AXIN1: variants seen among roughly 807,000 people sequenced by gnomAD.
AXIN1 encodes axin-1.
A neutral mutation model predicts 76.4 loss-of-function variants in AXIN1; 30 were observed. The observed-to-expected ratio is 0.39, with a 90% CI of 0.29 to 0.53. The LOEUF is 0.53. Ranked by LOEUF, AXIN1 falls within the 20% of genes least tolerant of loss-of-function variation. The probability of loss-of-function intolerance (pLI) is 0.66; values close to 1 mark genes in which losing one functional copy is unlikely to be tolerated. For missense variants in AXIN1, 1,140 were observed against 1,198.8 expected (o/e 0.95, Z 0.72); for synonymous variants, 545 against 501.4 (o/e 1.09, Z -1.16).
At chr16:306,103 A>C (rs1284645833) in intron 4 of AXIN1, among the ~76,000 whole-genome samples, 1 of 152,040 alleles carries the variant, frequency 6.6e-6, no homozygotes, top group Non-Finnish European at 1.5e-5. Flanking sequence ...TCATCCCCTT[A>C]CCGGCAGGCA....
intron 2 of AXIN1, among the ~76,000 whole-genome samples, chr16:339,813 C>T (rs536383353): frequency 6.6e-6 from 1 of 152,332 alleles, no homozygotes; most frequent in African/African-American, 2.4e-5. Context: ...ACCTCTGCCC[C>T]CTCTGCACCA....
chr16:295,104 T>A (rs2052674893), intron 7 of AXIN1, among the ~76,000 whole-genome samples: 1 of 151,202 alleles, frequency 6.6e-6, no homozygotes, highest in Non-Finnish European at 1.5e-5. Flanking sequence ...GACTTTTTTT[T>A]TTTCTTTTTT....
intron 3 of AXIN1, among the ~76,000 whole-genome samples, chr16:314,223 G>A (rs1467242766): frequency 1.3e-5 from 2 of 152,206 alleles, no homozygotes; most frequent in African/African-American, 2.4e-5. Flanking sequence ...CCGACACAAA[G>A]CTGAGCCCTC....
Position 291,212 on chromosome 16 carries a change from C to T in AXIN1, c.2272G>A (p.Asp758Asn), listed in dbSNP as rs1420913425. The change falls in exon 9 of 11, where the codon GAC becomes AAC. Residue 758 changes from aspartate (D) to asparagine (N), a missense_variant. Asp to Asn is a conservative substitution (Grantham distance 23). Transcript: ENST00000262320. ...TACTCTGTCTCGGAGAGCTCCATGTCCGACACGGCTGGTACCACGTGCAGC... is the reference window on the plus strand; with the variant it reads ...TACTCTGTCTCGGAGAGCTCCATGTTCGACACGGCTGGTACCACGTGCAGC... ...PVLHVVPAVSDMELSETETRS... is the reference protein window; with the variant it reads ...PVLHVVPAVSNMELSETETRS... The T allele has an allele frequency of 6.3e-6, 10 of 1,588,436 alleles. No individual in the cohort carries two copies. The highest frequency in any genetic ancestry group is 7.7e-6 in the Non-Finnish European group (9 of 1,168,342).
chr16:341,318 T>C (rs971554422), intron 2 of AXIN1, among the ~76,000 whole-genome samples: 10 of 151,998 alleles, frequency 6.6e-5, no homozygotes, highest in Admixed American at 5.9e-4. Flanking sequence ...CCAGCTGGAG[T>C]CCCGGGTGGG....
chr16:313,849 C>A (rs992598873), intron 3 of AXIN1, among the ~76,000 whole-genome samples: 1 of 152,240 alleles, frequency 6.6e-6, no homozygotes, highest in African/African-American at 2.4e-5. Context: ...TGGGGTTTCC[C>A]TGGACAATGA....
At position 293,575 on chromosome 16, in the gene AXIN1, G is replaced by A. The variant is rs765360584; in HGVS notation, c.2099C>T (p.Ala700Val). Residue 700 changes from alanine (A) to valine (V), a missense_variant, in exon 8 of 11, where the codon GCT (alanine) becomes GTT (valine). Ala to Val is a moderately conservative substitution (Grantham distance 64). This residue lies in a region of AXIN1 where 429 missense variants were observed against 405.8 expected (regional missense o/e 1.06). Transcript: ENST00000262320. The surrounding 1 kb of genome is among the most constrained non-coding windows in gnomAD (Gnocchi z 4.6). Reference protein sequence around the residue: ...IQDPTMPPHPAPNPLTQLEEA... With the variant: ...IQDPTMPPHPVPNPLTQLEEA... Reference sequence around the variant, plus strand: ...CTCCAGCTGGGTTAGGGGGTTGGGAGCTGGGTGGGGTGGCATGGTGGGGTC... The same window carrying A: ...CTCCAGCTGGGTTAGGGGGTTGGGAACTGGGTGGGGTGGCATGGTGGGGTC... 1 of 1,612,524 alleles carries A rather than the reference G, an allele frequency of 6.2e-7. No homozygotes were observed. The highest frequency in any genetic ancestry group is 2.2e-5 in the East Asian group (1 of 44,872).
At chr16:323,456 A>C (rs1210304016) in intron 2 of AXIN1, among the ~76,000 whole-genome samples, 1 of 148,530 alleles carries the variant, frequency 6.7e-6, no homozygotes, top group Non-Finnish European at 1.5e-5. Flanking sequence ...AAAAAAAAGA[A>C]AGAAAAAAAG....
intron 8 of AXIN1, 131 bp from the exon 9 acceptor site, chr16:291,428 C>T: frequency 2.6e-6 from 2 of 783,490 alleles, no homozygotes; most frequent in South Asian, 2.9e-5. Flanking sequence ...TGCGCAGGCT[C>T]CAGTTTGCAG....
intron 4 of AXIN1, among the ~76,000 whole-genome samples, chr16:304,918 G>A (rs574685560): frequency 2.3e-4 from 35 of 152,224 alleles, no homozygotes; most frequent in African/African-American, 7.7e-4. Context: ...TTTCGTGTCC[G>A]GCCAGTCTGT....
chr16:352,260 C>A, intron 1 of AXIN1, 109 bp downstream of exon 1: 1 of 674,056 alleles, frequency 1.5e-6, no homozygotes, highest in South Asian at 6.4e-5. Flanking sequence ...CCCGCGCGCC[C>A]ACCCCCTCGG....
At chr16:340,963 C>A (rs917945994) in intron 2 of AXIN1, among the ~76,000 whole-genome samples, 13 of 152,268 alleles carry the variant, frequency 8.5e-5, no homozygotes, top group African/African-American at 3.1e-4. Flanking sequence ...ACCGCAGCAG[C>A]CCCACCGCAG....
At chr16:340,128 G>A (rs1170280316) in intron 2 of AXIN1, among the ~76,000 whole-genome samples, 3 of 151,738 alleles carry the variant, frequency 2.0e-5, no homozygotes, top group Non-Finnish European at 2.9e-5. Flanking sequence ...GAGCAGGTCC[G>A]ACGGTTCCTC....
intron 2 of AXIN1, among the ~76,000 whole-genome samples, chr16:342,235 C>T (rs368932659): frequency 2.0e-5 from 3 of 152,138 alleles, no homozygotes; most frequent in Non-Finnish European, 2.9e-5. Flanking sequence ...AGTGAGACCA[C>T]GAACCCACCA....
At chr16:329,956 C>T (rs754552970) in intron 2 of AXIN1, among the ~76,000 whole-genome samples, 9 of 151,802 alleles carry the variant, frequency 5.9e-5, no homozygotes, top group African/African-American at 1.5e-4. Flanking sequence ...TTAGTAGAGA[C>T]GGGGTTTCAC....
chr16:291,185 C>G lies in AXIN1; in HGVS notation c.2294+5G>C, dbSNP rs761244199. 5 of 1,575,534 alleles carry G rather than the reference C, an allele frequency of 3.2e-6. No individual in the cohort carries two copies. In the East Asian group the frequency reaches 1.2e-4, roughly 36 times the overall value. ...GGACCGGGAGGACCCTCAGGACGCA[C>G]GTACTCTGTCTCGGAGAGCTCCATG... On this transcript the variant is annotated splice_donor_5th_base_variant and intron_variant, in intron 9 of 10. Transcript: ENST00000262320.
intron 2 of AXIN1, among the ~76,000 whole-genome samples, chr16:345,097 G>T (rs755279822): frequency 9.2e-5 from 14 of 152,080 alleles, no homozygotes; most frequent in Non-Finnish European, 1.9e-4. Context: ...ATGCCAGCCC[G>T]AAAGCCAAAT....
intron 2 of AXIN1, among the ~76,000 whole-genome samples, chr16:345,728 AG>A (rs1345657875): frequency 6.6e-6 from 1 of 150,584 alleles, no homozygotes; most frequent in Non-Finnish European, 1.5e-5. Context: ...AAAAAAAAAA[AG>A]CAAGAATCCA....
At chr16:289,740 G>C (rs1384649588) in intron 9 of AXIN1, 133 bp from the exon 10 acceptor site, 15 of 1,102,870 alleles carry the variant, frequency 1.4e-5, no homozygotes, top group Non-Finnish European at 1.8e-5. Context: ...TCAAACACCT[G>C]GGGCCCGCAG....
Sources: gnomAD v4.1 joint callset for allele counts (sites outside exome capture counted in the v4.1 genomes callset) on GRCh38, gnomAD v4.1.1 for gene constraint, gnomAD v4.1.1 regional missense constraint, Gnocchi (gnomAD v3.1) non-coding constraint, MANE v1.5 for transcripts, NCBI Gene and HGNC (gene_info 2026-07-23, HGNC 2026-07-21) for gene names.